The following SEC63 variants were observed in gnomAD, a reference collection of about 807,000 sequenced individuals.
SEC63 encodes the protein translocation protein SEC63 homolog.
In SEC63, 56 loss-of-function variants were observed where a neutral mutation model predicts 116.2. The observed-to-expected ratio is 0.48, with a 90% confidence interval of 0.39 to 0.60. The LOEUF is 0.60. Ranked by LOEUF, SEC63 falls within the 20% of genes least tolerant of loss-of-function variation. SEC63 has a pLI of 0.00. For synonymous variants in SEC63, 273 were observed against 294.6 expected, an observed-to-expected ratio of 0.93 and a Z score of 0.75; for missense variants, 668 against 900.0, an observed-to-expected ratio of 0.74 and a Z score of 3.30.
At chr6:107,882,369 T>C (rs1157810448) in intron 17 of SEC63, among the ~76,000 whole-genome samples, 1 of 152,138 alleles carries the variant, frequency 6.6e-6, no homozygotes, top group Non-Finnish European at 1.5e-5. Context: ...AAGGACCCCA[T>C]TCTTCTCTAT....
At chr6:107,876,464 G>A in intron 19 of SEC63, 100 bp downstream of exon 19, 1 of 800,870 alleles carries the variant, frequency 1.2e-6, no homozygotes, top group South Asian at 1.4e-5. Context: ...AATACAATAT[G>A]CTAAATATGA....
intron 7 of SEC63, among the ~76,000 whole-genome samples, chr6:107,909,862 G>A (rs1397482697): frequency 1.3e-5 from 2 of 152,124 alleles, no homozygotes; most frequent in Non-Finnish European, 2.9e-5. Context: ...TCCAGGATCA[G>A]AAAGGACACA....
chr6:107,893,837 C>T lies in SEC63; in HGVS notation c.1500+1G>A. ...ATAGGTTCGGAAACCCAAGTTTTTA[C>T]CCCATCTTCTGCTGGCTGTTCCTCT... On this transcript the variant is annotated splice_donor_variant, in intron 15 of 20. Transcript: ENST00000369002. LOFTEE classifies it high-confidence loss of function. 6.2e-7 allele frequency: 1 copy of T among 1,614,056 alleles called. No homozygotes were observed. The highest frequency in any genetic ancestry group is 1.7e-5 in the Admixed American group (1 of 60,002).
At chr6:107,939,245 T>A (rs981116549) in intron 1 of SEC63, among the ~76,000 whole-genome samples, 1 of 152,090 alleles carries the variant, frequency 6.6e-6, no homozygotes, top group Non-Finnish European at 1.5e-5. Context: ...ATCACATCAC[T>A]GCAGTTCAGC....
At chr6:107,925,001 A>C (rs1256023625) in intron 2 of SEC63, 69 bp from the exon 3 acceptor site, 1 of 890,750 alleles carries the variant, frequency 1.1e-6, no homozygotes, top group Non-Finnish European at 1.9e-6. Context: ...CATTATGGCA[A>C]GGTCAAGGCA....
chr6:107,926,568 T>C (rs1181813890), intron 2 of SEC63, among the ~76,000 whole-genome samples: 1 of 152,056 alleles, frequency 6.6e-6, no homozygotes, highest in Non-Finnish European at 1.5e-5. Flanking sequence ...TTAACACTTT[T>C]TAAACCCAAA....
intron 8 of SEC63, among the ~76,000 whole-genome samples, chr6:107,908,531 C>T (rs1290647736): frequency 1.3e-5 from 2 of 152,096 alleles, no homozygotes; most frequent in Admixed American, 6.6e-5. Context: ...TGTTACTTTT[C>T]GGTGCCTCAG....
At chr6:107,882,115 A>C (rs1786426788) in intron 17 of SEC63, among the ~76,000 whole-genome samples, 1 of 152,178 alleles carries the variant, frequency 6.6e-6, no homozygotes, top group South Asian at 2.1e-4. Flanking sequence ...AAATGCTAAC[A>C]ATAGACATCT....
At chr6:107,924,395 G>A (rs945755970) in intron 3 of SEC63, among the ~76,000 whole-genome samples, 1 of 151,788 alleles carries the variant, frequency 6.6e-6, no homozygotes, top group Admixed American at 6.6e-5. Flanking sequence ...TGGCTAACAT[G>A]GTGAAACCCC....
chr6:107,928,349 T>G (rs113396320), intron 2 of SEC63, among the ~76,000 whole-genome samples: 2 of 149,496 alleles, frequency 1.3e-5, no homozygotes, highest in Non-Finnish European at 3.0e-5. Context: ...GTTAACCAGG[T>G]GTAGTGGCAT....
intron 19 of SEC63, among the ~76,000 whole-genome samples, chr6:107,873,116 G>A (rs1420011314): frequency 6.6e-6 from 1 of 152,032 alleles, no homozygotes; most frequent in African/African-American, 2.4e-5. Flanking sequence ...CTCCCAAAGA[G>A]GAAATCAAAT....
chr6:107,918,204 A>C (rs1459917393), intron 4 of SEC63, among the ~76,000 whole-genome samples: 1 of 151,576 alleles, frequency 6.6e-6, no homozygotes, highest in Non-Finnish European at 1.5e-5. Flanking sequence ...TGTTGACAGC[A>C]TGGATTACTG....
intron 1 of SEC63, among the ~76,000 whole-genome samples, chr6:107,947,168 C>T (rs752433080): frequency 1.3e-5 from 2 of 151,846 alleles, no homozygotes; most frequent in African/African-American, 2.4e-5. Context: ...GGTATGATGG[C>T]GCACCTGTAG....
At chr6:107,903,099 C>CCT in intron 11 of SEC63, 101 bp from the exon 12 acceptor site, 1 of 1,180,498 alleles carries the variant, frequency 8.5e-7, no homozygotes, top group Non-Finnish European at 1.2e-6. Flanking sequence ...ATCCATAACA[C>CCT]CTCAAATTTG....
rs191099889 is a variant in SEC63 at position 107,951,513 on chromosome 6, C to T, written c.124+6373G>A. On this transcript the variant is annotated intron_variant, in intron 1 of 20. Coordinates refer to ENST00000369002, the MANE Select transcript of SEC63 (RefSeq NM_007214.5). ...ATAGCAAAACAAATATACTACCTCC[C>T]AAAATGGCAACTACAGCAAAAGACC... Among the ~76,000 whole-genome samples the T allele has an allele frequency of 2.6e-5, 4 of 152,240 alleles. No individual in the cohort carries two copies. The East Asian group carries it at 7.7e-4, about 29-fold the overall frequency.
At chr6:107,934,261 C>T (rs1274950330) in intron 1 of SEC63, among the ~76,000 whole-genome samples, 2 of 151,720 alleles carry the variant, frequency 1.3e-5, no homozygotes, top group South Asian at 2.1e-4. Flanking sequence ...GCCGCCATCC[C>T]GTCTAGGAAG....
chr6:107,917,684 G>T (rs1787441738), intron 4 of SEC63, among the ~76,000 whole-genome samples: 1 of 152,172 alleles, frequency 6.6e-6, no homozygotes, highest in African/African-American at 2.4e-5. Context: ...ATGTTTCAGT[G>T]GTCTCGACAG....
chr6:107,900,186 G>C (rs1786967804), intron 13 of SEC63, among the ~76,000 whole-genome samples: 1 of 151,830 alleles, frequency 6.6e-6, no homozygotes, highest in Non-Finnish European at 1.5e-5. Flanking sequence ...ATTTTATAAA[G>C]ACAGGGTCTC....
intron 1 of SEC63, among the ~76,000 whole-genome samples, chr6:107,951,929 C>T (rs967903420): frequency 6.0e-5 from 9 of 148,824 alleles, no homozygotes; most frequent in South Asian, 2.1e-4. Flanking sequence ...GCTGAGACCG[C>T]GCCACTCCAC....
Sources: allele counts gnomAD v4.1 joint callset (sites outside exome capture counted in the v4.1 genomes callset), GRCh38; gene constraint gnomAD v4.1.1; transcripts MANE v1.5; gene names NCBI Gene and HGNC (gene_info 2026-07-23, HGNC 2026-07-21).